RBPJ: variants seen among roughly 807,000 people sequenced by gnomAD.
RBPJ encodes the protein recombining binding protein suppressor of hairless.
RBPJ carries 9 observed loss-of-function variants against 67.8 expected under a neutral mutation model. The observed-to-expected ratio is 0.13, with a 90% CI of 0.08 to 0.23. RBPJ has a LOEUF of 0.23. Among genes scored for constraint, RBPJ ranks in the 10% least tolerant of loss-of-function variants. The probability of loss-of-function intolerance (pLI) is 1.00; values close to 1 mark genes in which losing one functional copy is unlikely to be tolerated. For synonymous variants in RBPJ, 198 were observed against 203.3 expected, an observed-to-expected ratio of 0.97 and a Z score of 0.22; for missense variants, 305 against 595.6, an observed-to-expected ratio of 0.51 and a Z score of 5.08.
chr4:26,337,326 C>T (rs573220829), intron 1 of RBPJ, among the ~76,000 whole-genome samples: 30 of 152,194 alleles, frequency 2.0e-4, no homozygotes, highest in Non-Finnish European at 3.2e-4. Flanking sequence ...CATGTAAATG[C>T]GTACATAATC....
chr4:26,248,767 A>T (rs1310588075), intron 1 of RBPJ, among the ~76,000 whole-genome samples: 3 of 152,210 alleles, frequency 2.0e-5, no homozygotes, highest in African/African-American at 7.2e-5. Flanking sequence ...TAAGAATCTG[A>T]TATATCCAAG....
intron 1 of RBPJ, among the ~76,000 whole-genome samples, chr4:26,220,682 A>G (rs1483395129): frequency 2.0e-5 from 3 of 149,188 alleles, no homozygotes; most frequent in African/African-American, 7.7e-5. Context: ...CTAAGTGTCC[A>G]TTATGTCACA....
chr4:26,216,679 C>T (rs1002052423), intron 1 of RBPJ, among the ~76,000 whole-genome samples: 7 of 152,068 alleles, frequency 4.6e-5, no homozygotes, highest in African/African-American at 1.7e-4. Flanking sequence ...TTTTGGGAGG[C>T]TGAGGCTGAG....
intron 1 of RBPJ, among the ~76,000 whole-genome samples, chr4:26,250,087 TCCGAA>T (rs1720057841): frequency 1.3e-5 from 2 of 151,512 alleles, no homozygotes; most frequent in East Asian, 4.0e-4. Flanking sequence ...CGCCTGGCCT[TCCGAA>T]CTTTTTCATC....
intron 1 of RBPJ, among the ~76,000 whole-genome samples, chr4:26,337,845 C>T (rs1029639498): frequency 6.6e-6 from 1 of 151,870 alleles, no homozygotes; most frequent in Non-Finnish European, 1.5e-5. Context: ...TGCCACCAGG[C>T]TTGGCTAATT....
intron 1 of RBPJ, among the ~76,000 whole-genome samples, chr4:26,280,491 C>T (rs1447089698): frequency 6.6e-6 from 1 of 150,960 alleles, no homozygotes; most frequent in Non-Finnish European, 1.5e-5. Context: ...CCTCAGATAA[C>T]TTAAGGAGAC....
intron 1 of RBPJ, among the ~76,000 whole-genome samples, chr4:26,214,733 G>GAA (rs1718589006): frequency 1.3e-5 from 1 of 74,852 alleles, no homozygotes; most frequent in Non-Finnish European, 2.6e-5. Context: ...GAAAGAAAGA[G>GAA]GGAAGAGAGA....
At chr4:26,320,902 A>C, upstream of RBPJ, 1 of 1,584,518 alleles carries the variant, frequency 6.3e-7, no homozygotes, top group East Asian at 2.3e-5. Context: ...CGGCGAGGGG[A>C]AAGGGAGCGC....
At chr4:26,377,289 G>A (rs145549424) in intron 1 of RBPJ, among the ~76,000 whole-genome samples, 14 of 152,304 alleles carry the variant, frequency 9.2e-5, no homozygotes, top group African/African-American at 2.9e-4. Flanking sequence ...AGGTCACACC[G>A]CTAGCTTGCA....
chr4:26,113,523 C>T, the RBPJ span: 7 of 529,748 alleles, frequency 1.3e-5, no homozygotes, highest in Admixed American at 2.1e-5. Context: ...ACGTTCTGTG[C>T]GAAGTCAAAG....
intron 2 of RBPJ, among the ~76,000 whole-genome samples, chr4:26,388,284 T>C (rs1731124671): frequency 6.6e-6 from 1 of 152,118 alleles, no homozygotes; most frequent in South Asian, 2.1e-4. Flanking sequence ...ACAGGTGTGA[T>C]CCACGGTGCC....
At chr4:26,190,232 T>C (rs192312780) in intron 1 of RBPJ, among the ~76,000 whole-genome samples, 2 of 152,342 alleles carry the variant, frequency 1.3e-5, no homozygotes, top group East Asian at 3.9e-4. Context: ...AGAGCAGTGC[T>C]GGTTTAGAAG....
chr4:26,366,621 C>T (rs148713758), intron 1 of RBPJ, among the ~76,000 whole-genome samples: 2 of 152,036 alleles, frequency 1.3e-5, no homozygotes, highest in Non-Finnish European at 2.9e-5. Flanking sequence ...GGGGTTTCAC[C>T]GTGTTAGCCA....
chr4:26,327,555 T>G (rs1030657419), intron 1 of RBPJ, among the ~76,000 whole-genome samples: 1 of 150,232 alleles, frequency 6.7e-6, no homozygotes, highest in Non-Finnish European at 1.5e-5. Flanking sequence ...TTTTTTTTTT[T>G]TTTTTTTTTT....
chr4:26,324,043 C>T lies in RBPJ; in HGVS notation c.20+2995C>T, dbSNP rs547670933. 4.6e-5 allele frequency among the ~76,000 whole-genome samples: 7 copies of T among 152,272 alleles called. No individual in the cohort carries two copies. The South Asian group carries it at 1.4e-3, about 32-fold the overall frequency. ...TTGTGATTATTTCCAAGTTACTCTA[C>T]TTCCCCTGGGCCAGTTTCCTAACTA... On this transcript the variant is annotated intron_variant, in intron 1 of 10. Transcript: ENST00000355476.
the RBPJ span, among the ~76,000 whole-genome samples, chr4:26,125,834 C>G: frequency 9.9e-5 from 15 of 151,956 alleles, no homozygotes; most frequent in Admixed American, 2.0e-4. Flanking sequence ...TCTTTAGTTA[C>G]CAGCAGGCAC....
intron 1 of RBPJ, among the ~76,000 whole-genome samples, chr4:26,361,727 C>T (rs750761521): frequency 3.3e-5 from 5 of 152,148 alleles, no homozygotes; most frequent in Non-Finnish European, 5.9e-5. Context: ...CATGATGCCA[C>T]ACTTGTGGTA....
At chr4:26,245,001 A>G (rs1194496119) in intron 1 of RBPJ, among the ~76,000 whole-genome samples, 1 of 151,254 alleles carries the variant, frequency 6.6e-6, no homozygotes, top group African/African-American at 2.4e-5. Flanking sequence ...TTTTATTAAT[A>G]TTAAATAATA....
intron 1 of RBPJ, among the ~76,000 whole-genome samples, chr4:26,210,231 T>C (rs1195770615): frequency 6.6e-6 from 1 of 152,214 alleles, no homozygotes; most frequent in Non-Finnish European, 1.5e-5. Flanking sequence ...AGTGGGAATA[T>C]AGTCTTCCCT....
Sources: allele counts gnomAD v4.1 joint callset (sites outside exome capture counted in the v4.1 genomes callset), GRCh38; gene constraint gnomAD v4.1.1; transcripts MANE v1.5; gene names NCBI Gene and HGNC (gene_info 2026-07-23, HGNC 2026-07-21).